The following OR2L13 variants were observed in gnomAD, a reference collection of about 807,000 sequenced individuals.
OR2L13 encodes olfactory receptor 2L13.
OR2L13 carries 14 observed loss-of-function variants against 15.3 expected under a neutral mutation model. The observed-to-expected ratio is 0.91, with a 90% CI of 0.60 to 1.43. The LOEUF (loss-of-function observed/expected upper bound fraction) is 1.43. OR2L13 is among the 40% of genes most tolerant of loss of function. The pLI, the probability that OR2L13 is intolerant of heterozygous loss-of-function variation, is 0.00. For missense variants in OR2L13, 367 were observed against 387.9 expected (o/e 0.95, Z 0.45); for synonymous variants, 152 against 142.9 (o/e 1.06, Z -0.45).
chr1:247,974,642 G>T, the OR2L13 span: 1 of 187,604 alleles, frequency 5.3e-6, no homozygotes. Context: ...CTCAGTTTCA[G>T]GCATTCCCTG....
At chr1:248,022,892 C>G in the OR2L13 span, 1 of 1,596,010 alleles carries the variant, frequency 6.3e-7, no homozygotes, top group Non-Finnish European at 8.5e-7. Flanking sequence ...TGTAGACATA[C>G]GTTCTGTGTT....
chr1:248,021,845 C>A, the OR2L13 span: 1 of 802,110 alleles, frequency 1.2e-6, no homozygotes, highest in Non-Finnish European at 2.1e-6. Context: ...CAATTTCAGG[C>A]ATTCACTGGA....
chr1:248,090,505 G>A (rs1664571237), upstream of OR2L13, among the ~76,000 whole-genome samples: 2 of 152,100 alleles, frequency 1.3e-5, no homozygotes, highest in South Asian at 2.1e-4. Context: ...TGTACTTAAT[G>A]TTTAGCTCCC....
chr1:247,994,520 G>A, the OR2L13 span, among the ~76,000 whole-genome samples: 1 of 152,054 alleles, frequency 6.6e-6, no homozygotes, highest in Non-Finnish European at 1.5e-5. Flanking sequence ...CACACACACA[G>A]AAATACTACA....
the OR2L13 span, chr1:247,991,116 G>A: frequency 6.2e-7 from 1 of 1,606,178 alleles, no homozygotes; most frequent in East Asian, 2.2e-5. Flanking sequence ...TCACTCCAAT[G>A]CTCAACCCCA....
the OR2L13 span, among the ~76,000 whole-genome samples, chr1:247,998,096 T>C: frequency 6.6e-6 from 1 of 152,116 alleles, no homozygotes; most frequent in South Asian, 2.1e-4. Flanking sequence ...CTACTTATAA[T>C]TGTATTTTAA....
At chr1:248,006,228 G>A in the OR2L13 span, among the ~76,000 whole-genome samples, 1 of 150,442 alleles carries the variant, frequency 6.6e-6, no homozygotes, top group Non-Finnish European at 1.5e-5. Context: ...GTGGTACTGT[G>A]AAATATTGCA....
At chr1:247,953,272 T>C in the OR2L13 span, among the ~76,000 whole-genome samples, 1 of 152,218 alleles carries the variant, frequency 6.6e-6, no homozygotes, top group Non-Finnish European at 1.5e-5. Flanking sequence ...GTTCTTTGTA[T>C]GCAAATGTTA....
At chr1:248,057,723 G>T in the OR2L13 span, among the ~76,000 whole-genome samples, 1 of 152,062 alleles carries the variant, frequency 6.6e-6, no homozygotes, top group African/African-American at 2.4e-5. Context: ...CCTTGGTTAG[G>T]TTTATTCTTA....
At chr1:247,956,281 C>T in the OR2L13 span, among the ~76,000 whole-genome samples, 1 of 152,068 alleles carries the variant, frequency 6.6e-6, no homozygotes, top group Admixed American at 6.6e-5. Context: ...TCTGAGGGCT[C>T]TCTTCTGTTC....
chr1:248,063,271 T>A, the OR2L13 span: 1 of 152,380 alleles, frequency 6.6e-6, no homozygotes, highest in African/African-American at 2.4e-5. Context: ...CACCAGTGAT[T>A]TGTACAAATA....
chr1:248,078,521 G>GA, the OR2L13 span, among the ~76,000 whole-genome samples: 3 of 149,894 alleles, frequency 2.0e-5, no homozygotes, highest in Non-Finnish European at 3.0e-5. Flanking sequence ...AGCTGTTTTG[G>GA]AAAAAAAAGG....
the OR2L13 span, among the ~76,000 whole-genome samples, chr1:248,018,164 A>AC: frequency 6.6e-6 from 1 of 151,510 alleles, no homozygotes; most frequent in African/African-American, 2.4e-5. Context: ...AAAAAATAAA[A>AC]AAAAAAATTC....
At chr1:248,025,520 C>A in the OR2L13 span, among the ~76,000 whole-genome samples, 4 of 149,550 alleles carry the variant, frequency 2.7e-5, no homozygotes, top group Non-Finnish European at 5.9e-5. Flanking sequence ...ACTAGTTCAA[C>A]CCTTGTGGAA....
the OR2L13 span, among the ~76,000 whole-genome samples, chr1:248,081,417 C>T: frequency 3.9e-5 from 6 of 152,142 alleles, no homozygotes; most frequent in African/African-American, 7.2e-5. Flanking sequence ...CTGTAGCTTT[C>T]GCCTGTATAT....
chr1:248,069,382 T>C, the OR2L13 span, among the ~76,000 whole-genome samples: 2 of 152,068 alleles, frequency 1.3e-5, no homozygotes, highest in South Asian at 2.1e-4. Flanking sequence ...CTAAGCTTCA[T>C]AAGTGAAGGA....
chr1:248,084,411 C>T, the OR2L13 span: 91,134 of 1,605,860 alleles, frequency 0.057, 148 homozygotes, highest in East Asian at 0.11. Context: ...GGAGAGTTGG[C>T]TCAGGAGGAA....
At chr1:248,090,255 T>C (rs905945673), upstream of OR2L13, among the ~76,000 whole-genome samples, 1 of 152,200 alleles carries the variant, frequency 6.6e-6, no homozygotes, top group African/African-American at 2.4e-5. Flanking sequence ...TATGTAAATG[T>C]GTTTGCTAAC....
the OR2L13 span, among the ~76,000 whole-genome samples, chr1:248,010,763 G>GTTGTTTTTTTTTT: frequency 2.2e-5 from 1 of 44,464 alleles, no homozygotes; most frequent in Non-Finnish European, 3.7e-5. Context: ...CTTTGTTGTT[G>GTTGTTTTTTTTTT]TTTTTTTTTT....
Sources: gnomAD v4.1 joint callset for allele counts (sites outside exome capture counted in the v4.1 genomes callset) on GRCh38, gnomAD v4.1.1 for gene constraint, MANE v1.5 for transcripts, NCBI Gene and HGNC (gene_info 2026-07-23, HGNC 2026-07-21) for gene names.